Variants in KCNMB2 observed in about 807,000 individuals in gnomAD.
The protein encoded by KCNMB2 is potassium calcium-activated channel subfamily M regulatory beta subunit 2.
A neutral mutation model predicts 24.5 loss-of-function variants in KCNMB2; 9 were observed. The observed-to-expected ratio is 0.37, with a 90% confidence interval of 0.22 to 0.64. The LOEUF (loss-of-function observed/expected upper bound fraction) is 0.64. Among genes scored for constraint, KCNMB2 ranks in the 30% least tolerant of loss-of-function variants. KCNMB2 has a pLI of 0.63. For synonymous variants in KCNMB2, 109 were observed against 104.4 expected (o/e 1.04, Z -0.27); for missense variants, 226 against 284.3 (o/e 0.79, Z 1.47).
chr3:178,759,166 G>A (rs1301716937), intron 1 of KCNMB2, among the ~76,000 whole-genome samples: 1 of 85,554 alleles, frequency 1.2e-5, no homozygotes, highest in African/African-American at 5.0e-5. Flanking sequence ...ATCTCCAAGA[G>A]GGATACATAT....
chr3:178,622,991 T>G (rs1257702314), intron 1 of KCNMB2, among the ~76,000 whole-genome samples: 4 of 152,228 alleles, frequency 2.6e-5, no homozygotes, highest in Non-Finnish European at 5.9e-5. Flanking sequence ...CATAGAACTA[T>G]TCAACATTAG....
chr3:178,708,887 C>T (rs1722363631), intron 1 of KCNMB2, among the ~76,000 whole-genome samples: 1 of 152,046 alleles, frequency 6.6e-6, no homozygotes, highest in African/African-American at 2.4e-5. Flanking sequence ...TGTTAATTTA[C>T]CAATGGGTGA....
At chr3:178,594,753 T>C (rs916283574) in intron 1 of KCNMB2, among the ~76,000 whole-genome samples, 2 of 151,936 alleles carry the variant, frequency 1.3e-5, no homozygotes, top group African/African-American at 4.8e-5. Context: ...TAAGTGAGTA[T>C]AGATAAAAAA....
At chr3:178,671,477 T>A (rs887339016) in intron 1 of KCNMB2, among the ~76,000 whole-genome samples, 1 of 152,156 alleles carries the variant, frequency 6.6e-6, no homozygotes, top group African/African-American at 2.4e-5. Context: ...CCCATCTGCC[T>A]GGCAGAGCAA....
chr3:178,839,209 A>G (rs1421405896), intron 4 of KCNMB2, among the ~76,000 whole-genome samples: 2 of 151,730 alleles, frequency 1.3e-5, no homozygotes, highest in South Asian at 2.1e-4. Flanking sequence ...CCTCATTATT[A>G]TATCAGTTTT....
chr3:178,839,227 C>T (rs1395645070), intron 4 of KCNMB2, among the ~76,000 whole-genome samples: 1 of 150,838 alleles, frequency 6.6e-6, no homozygotes, highest in East Asian at 1.9e-4. Flanking sequence ...TTTGTCATGG[C>T]ACATTTATAA....
At chr3:178,692,425 G>A (rs1721714604) in intron 1 of KCNMB2, among the ~76,000 whole-genome samples, 1 of 152,170 alleles carries the variant, frequency 6.6e-6, no homozygotes, top group Non-Finnish European at 1.5e-5. Flanking sequence ...TTTGCATATG[G>A]TATAAGGAAG....
intron 1 of KCNMB2, among the ~76,000 whole-genome samples, chr3:178,806,325 A>G (rs184866277): frequency 4.6e-5 from 7 of 152,322 alleles, no homozygotes; most frequent in African/African-American, 1.7e-4. Context: ...TAACACAGAT[A>G]TATGCATGTT....
rs2108481765 is a variant in KCNMB2, at chr3:178,843,361, T to C, written c.*424T>C. The stretch of plus-strand genomic sequence containing the variant: ...CTACAGCCAAAAATATTTTTTTTTC[T>C]TATTCTAAACTGAGCCCTATAGCAA... On this transcript the variant is annotated 3_prime_UTR_variant, in exon 5 of 5. Coordinates refer to ENST00000452583, the MANE Select transcript of KCNMB2 (RefSeq NM_181361.3). The C allele has an allele frequency of 2.9e-6, 1 of 348,512 alleles. No homozygotes were observed. The highest frequency in any genetic ancestry group is 5.7e-6 in the Non-Finnish European group (1 of 176,252). The allele number at this position is 348,512 out of a possible 1,614,324, so 21.6% of individuals were successfully genotyped here. A position where few individuals can be genotyped will look rare whatever the true frequency, so the allele number is the denominator to read the frequency against.
chr3:178,636,441 T>A (rs554163628), intron 1 of KCNMB2, among the ~76,000 whole-genome samples: 1 of 152,270 alleles, frequency 6.6e-6, no homozygotes, highest in East Asian at 1.9e-4. Context: ...ATTAAAAAAA[T>A]CTCTTCAACT....
At chr3:178,781,888 C>G (rs1262308927) in intron 1 of KCNMB2, among the ~76,000 whole-genome samples, 3 of 147,034 alleles carry the variant, frequency 2.0e-5, no homozygotes, top group Non-Finnish European at 4.5e-5. Context: ...GCGCTGCACC[C>G]ACTAACTCGT....
intron 1 of KCNMB2, among the ~76,000 whole-genome samples, chr3:178,572,414 T>C (rs780005969): frequency 4.6e-5 from 7 of 152,212 alleles, no homozygotes; most frequent in Non-Finnish European, 8.8e-5. Flanking sequence ...TTTATCTATA[T>C]GCTACTCTCA....
intron 1 of KCNMB2, among the ~76,000 whole-genome samples, chr3:178,655,075 T>A (rs1720272173): frequency 6.9e-6 from 1 of 144,332 alleles, no homozygotes; most frequent in Admixed American, 7.1e-5. Context: ...TAGTGTAAAG[T>A]TCAGTAAATA....
intron 1 of KCNMB2, among the ~76,000 whole-genome samples, chr3:178,679,830 A>G (rs771700995): frequency 2.6e-5 from 4 of 152,158 alleles, no homozygotes; most frequent in Admixed American, 6.5e-5. Context: ...TCACCATTCC[A>G]GAGTGCCTAT....
chr3:178,684,805 T>C (rs1161264154), intron 1 of KCNMB2, among the ~76,000 whole-genome samples: 1 of 152,230 alleles, frequency 6.6e-6, no homozygotes, highest in African/African-American at 2.4e-5. Context: ...CACTCCAGCC[T>C]GTGCAACAAG....
In KCNMB2 at chr3:178,582,017, A is replaced by G. The variant is rs573344373; in HGVS notation, c.-68+45306A>G. ...CCAGCAACCCCATTACTGGGTATAT[A>G]TCCAAAGGATTATAAATCATTCCAA... On this transcript the variant is annotated intron_variant, in intron 1 of 4. Transcript: ENST00000452583. Among the ~76,000 whole-genome samples, 3 of 152,328 alleles carry G rather than the reference A, an allele frequency of 2.0e-5. No individual in the cohort carries two copies. The South Asian group carries it at 6.2e-4, about 32-fold the overall frequency.
At chr3:178,786,917 T>G (rs1713125039) in intron 1 of KCNMB2, among the ~76,000 whole-genome samples, 1 of 152,042 alleles carries the variant, frequency 6.6e-6, no homozygotes, top group Non-Finnish European at 1.5e-5. Context: ...TCAAATAAGT[T>G]GCAGGAACAG....
chr3:178,591,301 C>T (rs960024493), intron 1 of KCNMB2, among the ~76,000 whole-genome samples: 9 of 152,226 alleles, frequency 5.9e-5, no homozygotes, highest in African/African-American at 1.9e-4. Flanking sequence ...AAAGAGCTGA[C>T]TGTTTCACAT....
At chr3:178,830,195 A>C (rs1399423760) in intron 4 of KCNMB2, among the ~76,000 whole-genome samples, 1 of 152,210 alleles carries the variant, frequency 6.6e-6, no homozygotes. Flanking sequence ...ATTTTTAAGC[A>C]TTATATAAAT....
Sources: gnomAD v4.1 joint callset for allele counts (sites outside exome capture counted in the v4.1 genomes callset) on GRCh38, gnomAD v4.1.1 for gene constraint, MANE v1.5 for transcripts, NCBI Gene and HGNC (gene_info 2026-07-23, HGNC 2026-07-21) for gene names.